The following PCBD2 variants were observed in gnomAD, a reference collection of about 807,000 sequenced individuals.
PCBD2 encodes pterin-4-alpha-carbinolamine dehydratase 2.
PCBD2 carries 12 observed loss-of-function variants against 16.4 expected under a neutral mutation model. That is an observed-to-expected ratio of 0.73 (90% CI 0.47 to 1.19). The LOEUF (loss-of-function observed/expected upper bound fraction) is 1.19. Among genes scored for constraint, PCBD2 ranks in the 50% most tolerant of loss-of-function variants. The pLI, the probability that PCBD2 is intolerant of heterozygous loss-of-function variation, is 0.00. For synonymous variants in PCBD2, 58 were observed against 61.8 expected, an observed-to-expected ratio of 0.94 and a Z score of 0.29; for missense variants, 138 against 156.8, an observed-to-expected ratio of 0.88 and a Z score of 0.64.
intron 2 of PCBD2, among the ~76,000 whole-genome samples, chr5:134,941,030 G>A (rs1480935014): frequency 2.0e-5 from 3 of 150,322 alleles, no homozygotes; most frequent in Non-Finnish European, 4.4e-5. Context: ...CAGGAGAATC[G>A]CTTGAACCAG....
chr5:134,937,102 T>C (rs1222889711), intron 2 of PCBD2, among the ~76,000 whole-genome samples: 9 of 152,240 alleles, frequency 5.9e-5, no homozygotes, highest in Admixed American at 6.5e-5. Context: ...TAAAAACTGG[T>C]ATTGACTTTA....
intron 2 of PCBD2, chr5:134,926,978 T>C (rs1751011144): frequency 2.5e-6 from 1 of 398,286 alleles, no homozygotes; most frequent in South Asian, 1.3e-4. Flanking sequence ...AGGCTATTAG[T>C]GGGAGTAGGG....
intron 2 of PCBD2, chr5:134,926,494 G>C (rs994713971): frequency 3.0e-5 from 12 of 394,660 alleles, no homozygotes; most frequent in Non-Finnish European, 2.2e-5. Context: ...AATTTTTGGG[G>C]CCTAAGACCA....
intron 2 of PCBD2, among the ~76,000 whole-genome samples, chr5:134,936,780 C>T (rs1462313902): frequency 6.6e-6 from 1 of 152,154 alleles, no homozygotes; most frequent in Non-Finnish European, 1.5e-5. Context: ...TGCATCTGTC[C>T]AGTGGCCAAA....
intron 2 of PCBD2, among the ~76,000 whole-genome samples, chr5:134,937,157 A>G (rs760795215): frequency 3.9e-5 from 6 of 152,296 alleles, no homozygotes; most frequent in African/African-American, 1.4e-4. Flanking sequence ...ATAGTATTGC[A>G]TATTTGTTTT....
At chr5:134,950,506 G>A (rs1580893373) in intron 2 of PCBD2, among the ~76,000 whole-genome samples, 1 of 152,108 alleles carries the variant, frequency 6.6e-6, no homozygotes, top group South Asian at 2.1e-4. Flanking sequence ...CACGATTTTT[G>A]TCTTGGTTTT....
intron 2 of PCBD2, among the ~76,000 whole-genome samples, chr5:134,932,057 G>T (rs1263208174): frequency 6.6e-6 from 1 of 152,178 alleles, no homozygotes; most frequent in Non-Finnish European, 1.5e-5. Flanking sequence ...ACTTTATTTG[G>T]AGAAGTGGAA....
intron 2 of PCBD2, among the ~76,000 whole-genome samples, chr5:134,955,592 G>A (rs995495134): frequency 3.9e-5 from 6 of 152,216 alleles, no homozygotes; most frequent in Non-Finnish European, 8.8e-5. Flanking sequence ...ACAGGCATGA[G>A]CCACCACGCC....
intron 1 of PCBD2, among the ~76,000 whole-genome samples, chr5:134,906,789 C>A (rs750304750): frequency 1.3e-5 from 2 of 152,106 alleles, no homozygotes; most frequent in Non-Finnish European, 2.9e-5. Context: ...AGAAGGATCC[C>A]GGAATTCAGA....
chr5:134,934,866 G>A (rs979684077), intron 2 of PCBD2, among the ~76,000 whole-genome samples: 7 of 152,152 alleles, frequency 4.6e-5, no homozygotes, highest in African/African-American at 1.7e-4. Flanking sequence ...AATTTACATG[G>A]TAACTAGGAT....
At chr5:134,957,158 G>T (rs573933960) in intron 2 of PCBD2, among the ~76,000 whole-genome samples, 2 of 152,252 alleles carry the variant, frequency 1.3e-5, no homozygotes, top group South Asian at 4.1e-4. Context: ...AGCTGCTCAG[G>T]ATGCTGAGGA....
chr5:134,950,916 A>G (rs1751352488), intron 2 of PCBD2, among the ~76,000 whole-genome samples: 1 of 152,194 alleles, frequency 6.6e-6, no homozygotes, highest in South Asian at 2.1e-4. Context: ...CTAAAAACCC[A>G]CCTAAACAGG....
intron 2 of PCBD2, among the ~76,000 whole-genome samples, chr5:134,932,935 C>G (rs1258821208): frequency 1.3e-5 from 2 of 152,110 alleles, no homozygotes; most frequent in African/African-American, 2.4e-5. Flanking sequence ...TCCACCAGGC[C>G]TCTCATTCTA....
At chr5:134,943,389 T>C (rs929828198) in intron 2 of PCBD2, among the ~76,000 whole-genome samples, 5 of 152,008 alleles carry the variant, frequency 3.3e-5, no homozygotes, top group Admixed American at 6.6e-5. Context: ...AGGTTACGAG[T>C]GCTTTAGGAC....
intron 2 of PCBD2, among the ~76,000 whole-genome samples, chr5:134,915,232 T>G (rs57158954): frequency 6.6e-6 from 1 of 151,796 alleles, no homozygotes; most frequent in African/African-American, 2.4e-5. Context: ...GGAGAATCGC[T>G]TGAACCTGGG....
At chr5:134,922,639 A>G (rs1750918245) in intron 2 of PCBD2, among the ~76,000 whole-genome samples, 1 of 151,224 alleles carries the variant, frequency 6.6e-6, no homozygotes, top group Non-Finnish European at 1.5e-5. Context: ...ATTACAAGTT[A>G]TGCTAAGTGC....
At chr5:134,940,134 C>G (rs1751208420) in intron 2 of PCBD2, among the ~76,000 whole-genome samples, 1 of 152,160 alleles carries the variant, frequency 6.6e-6, no homozygotes, top group Non-Finnish European at 1.5e-5. Context: ...TATCTGTGGA[C>G]TTCTGGTGTC....
chr5:134,918,369 G>A (rs890180491), intron 2 of PCBD2, among the ~76,000 whole-genome samples: 1 of 152,164 alleles, frequency 6.6e-6, no homozygotes, highest in African/African-American at 2.4e-5. Flanking sequence ...GCTGGGCGTG[G>A]TAGAAGGTGC....
chr5:134,940,682 T>C (rs754974667), intron 2 of PCBD2, among the ~76,000 whole-genome samples: 2 of 152,156 alleles, frequency 1.3e-5, no homozygotes, highest in Non-Finnish European at 2.9e-5. Flanking sequence ...GCACTAAAGA[T>C]AGAAGTGAAT....
Sources: gnomAD v4.1 joint callset for allele counts (sites outside exome capture counted in the v4.1 genomes callset) on GRCh38, gnomAD v4.1.1 for gene constraint, MANE v1.5 for transcripts, NCBI Gene and HGNC (gene_info 2026-07-23, HGNC 2026-07-21) for gene names.